TTC7B: variants seen among roughly 807,000 people sequenced by gnomAD.
TTC7B encodes tetratricopeptide repeat domain 7B.
A neutral mutation model predicts 106.8 loss-of-function variants in TTC7B; 28 were observed. The ratio of observed to expected loss-of-function variants is 0.26; its 90% CI spans 0.19 to 0.36. The LOEUF is 0.36. Ranked by LOEUF, TTC7B falls within the 10% of genes least tolerant of loss-of-function variation. TTC7B has a pLI of 1.00. For synonymous variants in TTC7B, 405 were observed against 430.6 expected (o/e 0.94, Z 0.74); for missense variants, 862 against 1,076.4 (o/e 0.80, Z 2.79).
chr14:90,760,642 C>A (rs1890468728), intron 3 of TTC7B, among the ~76,000 whole-genome samples: 1 of 152,220 alleles, frequency 6.6e-6, no homozygotes, highest in Non-Finnish European at 1.5e-5. Flanking sequence ...GTGTCATCGG[C>A]ATCCCTCCAC....
intron 5 of TTC7B, among the ~76,000 whole-genome samples, chr14:90,713,912 A>G (rs1334465750): frequency 6.6e-6 from 1 of 152,248 alleles, no homozygotes; most frequent in African/African-American, 2.4e-5. Context: ...GTGAACCTCA[A>G]CAACAGTATG....
In TTC7B at chr14:90,766,833, T is replaced by C. The variant is rs1366702339; in HGVS notation, c.445+13905A>G. 7.5e-6 allele frequency: 12 copies of C among 1,596,102 alleles called. No individual in the cohort carries two copies. In the Middle Eastern group the frequency reaches 1.3e-3, roughly 178 times the overall value. ...GAAAATATAGCCAGGTCCTAGCCAA[T>C]GGTCTGGACAACAAGCTCCATGAAG... On this transcript the variant is annotated intron_variant, in intron 3 of 19. Coordinates refer to ENST00000328459, the MANE Select transcript of TTC7B (RefSeq NM_001010854.2).
chr14:90,737,426 C>T (rs1429556748), intron 4 of TTC7B, among the ~76,000 whole-genome samples: 2 of 151,248 alleles, frequency 1.3e-5, no homozygotes, highest in Non-Finnish European at 2.9e-5. Context: ...CACAATGGCA[C>T]AATTATTTAA....
intron 17 of TTC7B, among the ~76,000 whole-genome samples, chr14:90,599,146 C>A (rs1566790863): frequency 6.6e-6 from 1 of 151,508 alleles, no homozygotes; most frequent in African/African-American, 2.4e-5. Flanking sequence ...CTGTCTCAAA[C>A]AAAAAAAGAG....
At chr14:90,788,594 T>C (rs1264163676) in intron 1 of TTC7B, among the ~76,000 whole-genome samples, 7 of 152,160 alleles carry the variant, frequency 4.6e-5, no homozygotes, top group African/African-American at 1.4e-4. Context: ...AATCTAATCT[T>C]TTACTATTTT....
rs558839938 is a variant in TTC7B, at chr14:90,542,692, C to A, written c.2311-1103G>T. On this transcript the variant is annotated intron_variant, in intron 19 of 19. Transcript: ENST00000328459. Reference sequence around the variant, plus strand: ...TAAATGAAATCTTACAGAGAACACCCACACAGTCTATGTATAAACAGACAA... The same window carrying A: ...TAAATGAAATCTTACAGAGAACACCAACACAGTCTATGTATAAACAGACAA... 4.1e-5 allele frequency among the ~76,000 whole-genome samples: 6 copies of A among 145,192 alleles called. No homozygotes were observed. In the South Asian group the frequency reaches 1.3e-3, roughly 32 times the overall value.
intron 4 of TTC7B, among the ~76,000 whole-genome samples, chr14:90,736,305 T>C (rs1300511377): frequency 6.6e-6 from 1 of 151,938 alleles, no homozygotes. Context: ...GGAGGTCGGG[T>C]GCAGTGCCTG....
intron 13 of TTC7B, chr14:90,647,252 A>G: frequency 2.1e-6 from 1 of 485,246 alleles, no homozygotes. Context: ...TGTTTTGTCT[A>G]GCATCTAAAA....
Position 90,540,704 on chromosome 14 carries a change from GATAA to G in TTC7B, c.*660_*663del, listed in dbSNP as rs2139759901. On this transcript the variant is annotated 3_prime_UTR_variant, in exon 20 of 20. Transcript: ENST00000328459. Reference sequence around the variant, plus strand: ...AAGCTTCTTTGTACATATTTCCCTCGATAAATAAACTCTGAATTCACATAAAAAA... The same window carrying G: ...AAGCTTCTTTGTACATATTTCCCTCGATAAACTCTGAATTCACATAAAAAA... 1 of 153,786 alleles carries G rather than the reference GATAA, an allele frequency of 6.5e-6. No individual in the cohort carries two copies. Among genetic ancestry groups the G allele is most frequent in the South Asian group, 2.1e-4 (1 of 4,810 alleles). The allele number at this position is 153,786 out of a possible 1,614,324, so 9.5% of individuals were successfully genotyped here. A position where few individuals can be genotyped will look rare whatever the true frequency, so the allele number is the denominator to read the frequency against.
At chr14:90,625,985 C>A (rs1884421639) in intron 15 of TTC7B, among the ~76,000 whole-genome samples, 1 of 152,176 alleles carries the variant, frequency 6.6e-6, no homozygotes, top group Non-Finnish European at 1.5e-5. Context: ...GCCTCAGAAT[C>A]CCCTGGGAGC....
intron 3 of TTC7B, among the ~76,000 whole-genome samples, chr14:90,770,150 GA>G (rs1174270925): frequency 6.6e-6 from 1 of 151,730 alleles, no homozygotes; most frequent in Non-Finnish European, 1.5e-5. Flanking sequence ...CTCCATCTCT[GA>G]AAATAAGTAA....
At chr14:90,746,416 A>G (rs1331720523) in intron 3 of TTC7B, among the ~76,000 whole-genome samples, 6 of 152,204 alleles carry the variant, frequency 3.9e-5, no homozygotes, top group Non-Finnish European at 7.3e-5. Context: ...AATCTTTAGT[A>G]GATGGCACCT....
Position 90,525,973 on chromosome 14 carries a change from A to AT in TTC7B, c.*15394dup, listed in dbSNP as rs1889139441. 2 of 149,870 alleles carry AT rather than the reference A, an allele frequency of 1.3e-5. No individual in the cohort carries two copies. Among genetic ancestry groups the AT allele is most frequent in the African/African-American group, 5.0e-5 (2 of 39,976 alleles). 9.3% of individuals were successfully genotyped at this position (149,870 alleles called of 1,614,324 possible). A position where few individuals can be genotyped will look rare whatever the true frequency, so the allele number is the denominator to read the frequency against. ...GCGATTGGTTAAAAAATAAAAAAAA[A>AT]TAAAAAAAATAAAAAAAAAAAAGAA... On this transcript the variant is annotated 3_prime_UTR_variant, in exon 20 of 20. Transcript: ENST00000328459.
chr14:90,696,678 T>C (rs1887762768), intron 5 of TTC7B, among the ~76,000 whole-genome samples: 1 of 152,082 alleles, frequency 6.6e-6, no homozygotes, highest in African/African-American at 2.4e-5. Flanking sequence ...TGCACAAGAA[T>C]GGCCCCAGAA....
chr14:90,674,985 CA>C (rs1297892377), intron 9 of TTC7B: 1 of 152,204 alleles, frequency 6.6e-6, no homozygotes, highest in Admixed American at 6.5e-5. Flanking sequence ...TGGGTGAAAA[CA>C]AGGTCCTAGT....
chr14:90,552,935 A>T (rs777301080), intron 19 of TTC7B, among the ~76,000 whole-genome samples: 3 of 152,260 alleles, frequency 2.0e-5, no homozygotes, highest in Non-Finnish European at 4.4e-5. Context: ...ACCAGCAGCC[A>T]GTCCCAGTCA....
At chr14:90,594,796 A>G (rs1292146977) in intron 17 of TTC7B, among the ~76,000 whole-genome samples, 3 of 152,228 alleles carry the variant, frequency 2.0e-5, no homozygotes, top group African/African-American at 7.2e-5. Flanking sequence ...TTTGGAATGT[A>G]CCCATCATCT....
chr14:90,569,887 G>A (rs1890962034), intron 19 of TTC7B: 1 of 152,312 alleles, frequency 6.6e-6, no homozygotes, highest in Non-Finnish European at 1.5e-5. Context: ...AGACTCTGCA[G>A]GCTCCAGCAG....
At chr14:90,583,329 C>CAAGAAAAG (rs1238549921) in intron 18 of TTC7B, among the ~76,000 whole-genome samples, 1 of 152,212 alleles carries the variant, frequency 6.6e-6, no homozygotes, top group East Asian at 1.9e-4. Context: ...AGTAGGTGCT[C>CAAGAAAAG]AAGAAAAGTC....
Sources: gnomAD v4.1 joint callset for allele counts (sites outside exome capture counted in the v4.1 genomes callset) on GRCh38, gnomAD v4.1.1 for gene constraint, MANE v1.5 for transcripts, NCBI Gene and HGNC (gene_info 2026-07-23, HGNC 2026-07-21) for gene names.